The following INTS10 variants were observed in gnomAD, a reference collection of about 807,000 sequenced individuals.
The protein encoded by INTS10 is integrator complex subunit 10.
A neutral mutation model predicts 94.4 loss-of-function variants in INTS10; 44 were observed. The observed-to-expected ratio is 0.47, with a 90% CI of 0.37 to 0.60. The LOEUF is 0.60. Ranked by LOEUF, INTS10 falls within the 20% of genes least tolerant of loss-of-function variation. The pLI is 0.00. For missense variants in INTS10, 797 were observed against 868.7 expected, an observed-to-expected ratio of 0.92 and a Z score of 1.04; for synonymous variants, 341 against 320.7, an observed-to-expected ratio of 1.06 and a Z score of -0.68.
rs768843879 is a variant in INTS10 at position 19,817,672 on chromosome 8, G to C, written c.129+6G>C. 1.9e-6 allele frequency: 3 copies of C among 1,603,334 alleles called. No individual in the cohort carries two copies. Among genetic ancestry groups the C allele is most frequent in the Admixed American group, 3.4e-5 (2 of 59,038 alleles). On this transcript the variant is annotated splice_donor_region_variant and intron_variant, in intron 1 of 16. Coordinates refer to ENST00000397977, the MANE Select transcript of INTS10 (RefSeq NM_018142.4). ...CGGCAGACTTTAACATCCAGGTGAG[G>C]TCCCGGCTGTGCATGCGGCCGCTCT...
intron 16 of INTS10, among the ~76,000 whole-genome samples, chr8:19,848,156 T>A (rs552275976): frequency 1.2e-4 from 19 of 152,350 alleles, no homozygotes; most frequent in African/African-American, 4.6e-4. Context: ...TATTAAACAA[T>A]CTGAATTCCT....
rs1589927226 is a variant in INTS10, at chr8:19,822,730, T to A, written c.523+210T>A. 2.0e-5 allele frequency among the ~76,000 whole-genome samples: 3 copies of A among 152,180 alleles called. No homozygotes were observed. The South Asian group carries it at 6.2e-4, about 32-fold the overall frequency. On this transcript the variant is annotated intron_variant, in intron 5 of 16. Transcript: ENST00000397977. ...ACTTAAGGAGGCCAAGGTGGGTGGA[T>A]CACGAGGTCAAGAGATCGAGACCAT...
chr8:19,850,337 T>C (rs930986356), intron 16 of INTS10, among the ~76,000 whole-genome samples: 4 of 152,064 alleles, frequency 2.6e-5, no homozygotes, highest in African/African-American at 9.7e-5. Flanking sequence ...ATGTCCTAAC[T>C]ACTGAGCTAC....
chr8:19,823,258 A>G (rs1207816326), intron 5 of INTS10, 43 bp from the exon 6 acceptor site: 24 of 1,507,938 alleles, frequency 1.6e-5, no homozygotes, highest in Non-Finnish European at 2.2e-5. Flanking sequence ...ACTCTAGGGT[A>G]GACAACCTAA....
intron 11 of INTS10, 55 bp from the exon 12 acceptor site, chr8:19,833,114 A>ATTTTT (rs1416702626): frequency 2.2e-3 from 3,151 of 1,442,998 alleles, no homozygotes; most frequent in Non-Finnish European, 2.7e-3. Context: ...TATTTTTTAA[A>ATTTTT]TTTCTTTTTT....
At position 19,845,663 on chromosome 8, in the gene INTS10, C is replaced by T. The variant is rs62500063; in HGVS notation, c.1883-41C>T. The T allele has an allele frequency of 3.2e-4, 461 of 1,436,278 alleles. 4 individuals carry two copies. The East Asian group carries it at 7.1e-3, about 22-fold the overall frequency. 89.0% of individuals were successfully genotyped at this position (1,436,278 alleles called of 1,614,324 possible). ...CCATTTCCTCATCAGAGAAAACTAG[C>T]ACCTTTTTTTACATGTGGTTAACCT... On this transcript the variant is annotated intron_variant, in intron 15 of 16. Coordinates refer to ENST00000397977, the MANE Select transcript of INTS10 (RefSeq NM_018142.4).
chr8:19,847,897 C>A (rs1240314415), intron 16 of INTS10, among the ~76,000 whole-genome samples: 1 of 152,178 alleles, frequency 6.6e-6, no homozygotes, highest in Non-Finnish European at 1.5e-5. Context: ...CAGGGTCTCC[C>A]ACCTTGATCA....
rs560456162 is a variant in INTS10 at position 19,848,323 on chromosome 8, G to A, written c.1976+2526G>A. ...GCTGTGGCATCTGGGATGCAAGCAG[G>A]TACAGTACCAACACTGAGGGCACCC... On this transcript the variant is annotated intron_variant, in intron 16 of 16. Transcript: ENST00000397977. 1.8e-4 allele frequency among the ~76,000 whole-genome samples: 27 copies of A among 152,292 alleles called. 1 individual carries two copies. In the South Asian group the frequency reaches 5.0e-3, roughly 28 times the overall value.
Position 19,833,239 on chromosome 8 carries a change from A to C in INTS10, c.1448A>C (p.Gln483Pro). ...CTCCAGGGATCCATTTCTCAGCCAC[A>C]GATCACAGGGCAGGGGACCCTGGAG... is the stretch of plus-strand genomic sequence containing the variant. ...AALQGSISQP[Q>P]ITGQGTLEHQ... The change falls in exon 12 of 17, where the codon CAG (glutamine) becomes CCG (proline). Residue 483 changes from glutamine (Q) to proline (P), a missense_variant. This residue lies in a region of INTS10 where 734 missense variants were observed against 787.8 expected (regional missense o/e 0.93). Transcript: ENST00000397977. The C allele has an allele frequency of 3.7e-6, 6 of 1,612,928 alleles. No individual in the cohort carries two copies. Among genetic ancestry groups the C allele is most frequent in the Non-Finnish European group, 5.1e-6 (6 of 1,179,428 alleles).
chr8:19,844,301 GA>G, intron 15 of INTS10, 63 bp downstream of exon 15: 1 of 1,164,712 alleles, frequency 8.6e-7, no homozygotes, highest in Non-Finnish European at 1.2e-6. Flanking sequence ...ATACATGATA[GA>G]AAAAGAATGA....
chr8:19,824,930 G>A lies in INTS10; in HGVS notation c.964G>A (p.Ala322Thr). The A allele has an allele frequency of 6.2e-7, 1 of 1,613,858 alleles. No homozygotes were observed. Among genetic ancestry groups the A allele is most frequent in the African/African-American group, 1.3e-5 (1 of 75,048 alleles). Residue 322 changes from alanine to threonine, a missense_variant, in exon 8 of 17, where the codon GCA (alanine) becomes ACA (threonine). By Grantham distance (58) the Ala-to-Thr change is moderately conservative. Around this residue, in one of 3 missense-constraint regions of INTS10, gnomAD observed 734 missense variants for 787.8 expected, o/e 0.93. Transcript: ENST00000397977. The stretch of plus-strand genomic sequence containing the variant: ...CACCATGCTGGTCTTCTTTAAGAAT[G>A]CATTCCAGTATGTCAACAGCATACA... ...YSTMLVFFKN[A>T]FQYVNSIQPS...
At chr8:19,818,487 G>C (rs1589898818) in intron 2 of INTS10, 145 bp downstream of exon 2, 18 of 713,906 alleles carry the variant, frequency 2.5e-5, no homozygotes, top group East Asian at 2.6e-5. Flanking sequence ...AGGAGTCCAG[G>C]CCTGCCATAA....
intron 13 of INTS10, among the ~76,000 whole-genome samples, chr8:19,838,607 T>C (rs2067860733): frequency 2.0e-5 from 3 of 152,158 alleles, no homozygotes; most frequent in Admixed American, 2.0e-4. Flanking sequence ...ATAACCCTGA[T>C]AGTAAAACCA....
Position 19,846,578 on chromosome 8 carries a change from C to T in INTS10, c.1976+781C>T, listed in dbSNP as rs947487761. The stretch of plus-strand genomic sequence containing the variant: ...GCAGTCCTCATGACTTACATAACAA[C>T]GAAGTATTAATAGCCAGGTATAGTG... On this transcript the variant is annotated intron_variant, in intron 16 of 16. Transcript: ENST00000397977. The surrounding 1 kb of genome is among the most constrained non-coding windows in gnomAD (Gnocchi z 4.2). Among the ~76,000 whole-genome samples, 3 of 152,086 alleles carry T rather than the reference C, an allele frequency of 2.0e-5. No homozygotes were observed. The highest frequency in any genetic ancestry group is 1.9e-4 in the East Asian group (1 of 5,188).
At chr8:19,818,897 A>G (rs921220060) in intron 2 of INTS10, 2 of 152,492 alleles carry the variant, frequency 1.3e-5, no homozygotes, top group Non-Finnish European at 2.9e-5. Context: ...AGACATTTAA[A>G]TAGATAGTTT....
At chr8:19,821,295 G>A (rs2066354730) in intron 4 of INTS10, 1 of 152,204 alleles carries the variant, frequency 6.6e-6, no homozygotes, top group South Asian at 2.1e-4. Context: ...CCCTCTGAAG[G>A]TTCTGGGGAA....
intron 11 of INTS10, among the ~76,000 whole-genome samples, chr8:19,832,701 C>T (rs533255495): frequency 1.3e-5 from 2 of 152,220 alleles, no homozygotes; most frequent in South Asian, 4.1e-4. Flanking sequence ...TCTCACCCTC[C>T]TCTCTCTGCT....
At chr8:19,822,034 T>TA (rs2066420494) in intron 4 of INTS10, 1 of 158,230 alleles carries the variant, frequency 6.3e-6, no homozygotes, top group Non-Finnish European at 1.4e-5. Context: ...TTGAACGTGA[T>TA]ACGTTTTGTC....
chr8:19,822,507 T>C lies in INTS10; in HGVS notation c.510T>C (p.Phe170=). Reference sequence around the variant, plus strand: ...AACAAGAATCTCCAGTGAACTGCTTTAGAAAATTATTTGGTAAGGAAAATT... The same window carrying C: ...AACAAGAATCTCCAGTGAACTGCTTCAGAAAATTATTTGGTAAGGAAAATT... The part of the protein sequence containing the change: ...IEEQESPVNC[F]RKLFVCDVLP... Residue 170 remains phenylalanine, a synonymous_variant, in exon 5 of 17, where the codon TTT becomes TTC. Coordinates refer to ENST00000397977, the MANE Select transcript of INTS10 (RefSeq NM_018142.4). 6.2e-7 allele frequency: 1 copy of C among 1,602,650 alleles called. No individual in the cohort carries two copies. The highest frequency in any genetic ancestry group is 8.5e-7 in the Non-Finnish European group (1 of 1,169,800).
Sources: allele counts gnomAD v4.1 joint callset (sites outside exome capture counted in the v4.1 genomes callset), GRCh38; gene constraint gnomAD v4.1.1; regional missense constraint gnomAD v4.1.1; non-coding constraint Gnocchi (gnomAD v3.1); transcripts MANE v1.5; gene names NCBI Gene and HGNC (gene_info 2026-07-23, HGNC 2026-07-21).